Variants in SP1 observed in about 807,000 individuals in gnomAD.
The protein encoded by SP1 is transcription factor Sp1.
In SP1, 6 loss-of-function variants were observed where a neutral mutation model predicts 66.3. The ratio of observed to expected loss-of-function variants is 0.09; its 90% CI spans 0.05 to 0.18. SP1 has a LOEUF of 0.18. Among genes scored for constraint, SP1 ranks in the 10% least tolerant of loss-of-function variants. SP1 has a pLI of 1.00. For synonymous variants in SP1, 417 were observed against 360.8 expected (o/e 1.16, Z -1.77); for missense variants, 848 against 964.5 (o/e 0.88, Z 1.60).
chr12:53,411,496 C>A lies in SP1; in HGVS notation c.*256C>A. ...GCTTTGATGAGCATTTGTTTGACCCCAGTTTCTTCTTACACTTCTTACCCC... is the reference window on the plus strand; with the variant it reads ...GCTTTGATGAGCATTTGTTTGACCCAAGTTTCTTCTTACACTTCTTACCCC... On this transcript the variant is annotated 3_prime_UTR_variant, in exon 6 of 6. Transcript: ENST00000327443. The A allele has an allele frequency of 2.5e-6, 1 of 394,288 alleles. No homozygotes were observed. Among genetic ancestry groups the A allele is most frequent in the Non-Finnish European group, 4.5e-6 (1 of 221,048 alleles). 24.4% of individuals were successfully genotyped at this position (394,288 alleles called of 1,614,324 possible). A position where few individuals can be genotyped will look rare whatever the true frequency, so the allele number is the denominator to read the frequency against.
At chr12:53,396,671 G>A (rs1020134738) in intron 3 of SP1, among the ~76,000 whole-genome samples, 1 of 152,180 alleles carries the variant, frequency 6.6e-6, no homozygotes, top group African/African-American at 2.4e-5. Context: ...TAGTGTACTT[G>A]AGAGGAGACC....
chr12:53,399,402 C>G (rs1354423288), intron 3 of SP1, among the ~76,000 whole-genome samples: 2 of 151,978 alleles, frequency 1.3e-5, no homozygotes, highest in Admixed American at 1.3e-4. Context: ...GGCGCGATCT[C>G]AGCTCACTGC....
intron 5 of SP1, 75 bp downstream of exon 5, chr12:53,409,636 C>A: frequency 8.2e-7 from 1 of 1,213,680 alleles, no homozygotes; most frequent in Non-Finnish European, 1.2e-6. Flanking sequence ...TACAAAATAA[C>A]TAAAATTTCT....
intron 3 of SP1, among the ~76,000 whole-genome samples, chr12:53,406,070 T>C (rs784881): frequency 0.1 from 13,132 of 130,178 alleles, 2,426 homozygotes; most frequent in African/African-American, 0.39. Context: ...TCTTTCTTTT[T>C]TTTTTTTTTT....
In SP1 at chr12:53,382,860, A is replaced by G; in HGVS notation, c.913A>G (p.Ile305Val). 3 of 1,614,200 alleles carry G rather than the reference A, an allele frequency of 1.9e-6. No homozygotes were observed. Among genetic ancestry groups the G allele is most frequent in the Non-Finnish European group, 2.5e-6 (3 of 1,180,032 alleles). Residue 305 changes from isoleucine to valine, a missense_variant, in exon 3 of 6, where the codon ATC becomes GTC. Transcript: ENST00000327443. ...ACAGCCTGTCACCTCAGGGACTACC[A>G]TCAGTTCTGCCAGCTTGGTATCATC... ...GSQPVTSGTT[I>V]SSASLVSSQA...
rs1336166914 is a variant in SP1, at chr12:53,411,895, C to T, written c.*655C>T. 5 of 152,494 alleles carry T rather than the reference C, an allele frequency of 3.3e-5. No homozygotes were observed. In the South Asian group the frequency reaches 8.3e-4, roughly 25 times the overall value. 9.4% of individuals were successfully genotyped at this position (152,494 alleles called of 1,614,324 possible). On this transcript the variant is annotated 3_prime_UTR_variant, in exon 6 of 6. Coordinates refer to ENST00000327443, the MANE Select transcript of SP1 (RefSeq NM_138473.3). ...TCATATATACATACATAATGTTTTTCCTTTCTTAATTTTGTCTTTTTGTTT... is the reference window on the plus strand; with the variant it reads ...TCATATATACATACATAATGTTTTTTCTTTCTTAATTTTGTCTTTTTGTTT...
intron 3 of SP1, among the ~76,000 whole-genome samples, chr12:53,390,070 A>C (rs1938314372): frequency 6.6e-6 from 1 of 152,196 alleles, no homozygotes; most frequent in African/African-American, 2.4e-5. Context: ...TTTGTTAAAA[A>C]GTTGTGTTTT....
intron 3 of SP1, among the ~76,000 whole-genome samples, chr12:53,398,313 C>T (rs937452185): frequency 3.9e-5 from 6 of 152,134 alleles, no homozygotes; most frequent in Admixed American, 1.3e-4. Context: ...GACAGAGTCT[C>T]GCTCTGTCTC....
rs1395536995 is a variant in SP1 at position 53,411,117 on chromosome 12, C to T, written c.2235C>T (p.Thr745=). 1 of 1,614,170 alleles carries T rather than the reference C, an allele frequency of 6.2e-7. No individual in the cohort carries two copies. The highest frequency in any genetic ancestry group is 1.1e-5 in the South Asian group (1 of 91,080). The change falls in exon 6 of 6, where the codon ACC becomes ACT. Residue 745 remains threonine (T), a synonymous_variant. Transcript: ENST00000327443. ...SGTATPSALI[T]TNMVAMEAIC... ...CTGCCACTCCTTCAGCCCTTATTACCACCAATATGGTAGCCATGGAGGCCA... is the reference window on the plus strand; with the variant it reads ...CTGCCACTCCTTCAGCCCTTATTACTACCAATATGGTAGCCATGGAGGCCA...
chr12:53,398,078 T>TA (rs1169367547), intron 3 of SP1, among the ~76,000 whole-genome samples: 11 of 152,210 alleles, frequency 7.2e-5, no homozygotes, highest in Admixed American at 7.2e-4. Flanking sequence ...AACTGACTGT[T>TA]AATTTAGTGG....
chr12:53,405,648 C>G (rs766913989), intron 3 of SP1, among the ~76,000 whole-genome samples: 2 of 146,346 alleles, frequency 1.4e-5, no homozygotes, highest in East Asian at 4.0e-4. Flanking sequence ...CCAGAGCCAG[C>G]GAGACTCTGT....
Position 53,395,334 on chromosome 12 carries a change from C to T in SP1, c.1676-11251C>T, listed in dbSNP as rs537124681. Among the ~76,000 whole-genome samples the T allele has an allele frequency of 6.6e-5, 10 of 151,766 alleles. No homozygotes were observed. The East Asian group carries it at 7.8e-4, about 12-fold the overall frequency. On this transcript the variant is annotated intron_variant, in intron 3 of 5. Coordinates refer to ENST00000327443, the MANE Select transcript of SP1 (RefSeq NM_138473.3). Reference sequence around the variant, plus strand: ...CAGCCTGGGCGACAGAGTGAAACTCCGTCTCAAAAAACAAAAGAATATTTG... The same window carrying T: ...CAGCCTGGGCGACAGAGTGAAACTCTGTCTCAAAAAACAAAAGAATATTTG...
rs534047310 is a variant in SP1, at chr12:53,415,639, GA to G, written c.*4416del. On this transcript the variant is annotated 3_prime_UTR_variant, in exon 6 of 6. Coordinates refer to ENST00000327443, the MANE Select transcript of SP1 (RefSeq NM_138473.3). ...CCTAAGTCCTAGCTAAGTATCAGGG[GA>G]AAAAAAAAAAAAAAAAGCCTAACAA... The G allele has an allele frequency of 0.04, 4,323 of 107,130 alleles. 41 individuals carry two copies. Among genetic ancestry groups the G allele is most frequent in the African/African-American group, 0.052 (1,522 of 29,400 alleles). The allele number at this position is 107,130 out of a possible 1,614,324, so 6.6% of individuals were successfully genotyped here.
rs762781899 is a variant in SP1 at position 53,380,248 on chromosome 12, C to T, written c.-44C>T. 3.5e-6 allele frequency: 5 copies of T among 1,418,236 alleles called. No homozygotes were observed. The African/African-American group carries it at 4.2e-5, about 12-fold the overall frequency. 87.9% of individuals were successfully genotyped at this position (1,418,236 alleles called of 1,614,324 possible). A position where few individuals can be genotyped will look rare whatever the true frequency, so the allele number is the denominator to read the frequency against. ...CGCGTTTTTCCCGGCCCCCCCCAACCCCCCCGGACAGGACCCCCTTGAGCT... is the reference window on the plus strand; with the variant it reads ...CGCGTTTTTCCCGGCCCCCCCCAACTCCCCCGGACAGGACCCCCTTGAGCT... On this transcript the variant is annotated 5_prime_UTR_variant, in exon 1 of 6. Transcript: ENST00000327443.
At position 53,382,208 on chromosome 12, in the gene SP1, A is replaced by G. The variant is rs748959012; in HGVS notation, c.261A>G (p.Ser87=). The change falls in exon 3 of 6, where the codon TCA becomes TCG. Residue 87 remains serine, a synonymous_variant. Coordinates refer to ENST00000327443, the MANE Select transcript of SP1 (RefSeq NM_138473.3). ...NSNNSQGPSQ[S]GGTGELDLTA... ...ACAACTCCCAGGGCCCGAGTCAGTC[A>G]GGGGGAACAGGTGAGCTTGACCTCA... 1 of 1,614,156 alleles carries G rather than the reference A, an allele frequency of 6.2e-7. No homozygotes were observed. The highest frequency in any genetic ancestry group is 8.5e-7 in the Non-Finnish European group (1 of 1,180,020).
chr12:53,384,637 C>G (rs1392277847), intron 3 of SP1, among the ~76,000 whole-genome samples: 1 of 152,128 alleles, frequency 6.6e-6, no homozygotes, highest in East Asian at 1.9e-4. Context: ...AAATGTAAAA[C>G]CATTCTTAGC....
At chr12:53,395,001 A>G (rs1938452454) in intron 3 of SP1, among the ~76,000 whole-genome samples, 1 of 151,776 alleles carries the variant, frequency 6.6e-6, no homozygotes, top group Non-Finnish European at 1.5e-5. Context: ...AGTAGCTGGG[A>G]TTATGGGCAC....
In SP1 at chr12:53,415,362, T is replaced by G. The variant is rs1938974827; in HGVS notation, c.*4122T>G. 6.6e-6 allele frequency: 1 copy of G among 152,422 alleles called. No homozygotes were observed. Among genetic ancestry groups the G allele is most frequent in the Non-Finnish European group, 1.5e-5 (1 of 68,000 alleles). The allele number at this position is 152,422 out of a possible 1,614,324, so 9.4% of individuals were successfully genotyped here. On this transcript the variant is annotated 3_prime_UTR_variant, in exon 6 of 6. Coordinates refer to ENST00000327443, the MANE Select transcript of SP1 (RefSeq NM_138473.3). ...TTAAGCAGCCTTAAGCTTAAATTCC[T>G]ACTCCCTCTTCCAAATTTGGCTCAC...
Position 53,380,252 on chromosome 12 carries a change from C to A in SP1, c.-40C>A, listed in dbSNP as rs761474696. The A allele has an allele frequency of 2.2e-5, 33 of 1,519,086 alleles. No homozygotes were observed. Among genetic ancestry groups the A allele is most frequent in the South Asian group, 1.1e-5 (1 of 88,694 alleles). 94.1% of individuals were successfully genotyped at this position (1,519,086 alleles called of 1,614,324 possible). A position where few individuals can be genotyped will look rare whatever the true frequency, so the allele number is the denominator to read the frequency against. Reference sequence around the variant, plus strand: ...TTTTTCCCGGCCCCCCCCAACCCCCCCGGACAGGACCCCCTTGAGCTTGTC... The same window carrying A: ...TTTTTCCCGGCCCCCCCCAACCCCCACGGACAGGACCCCCTTGAGCTTGTC... On this transcript the variant is annotated 5_prime_UTR_variant, in exon 1 of 6. Transcript: ENST00000327443.
Sources: gnomAD v4.1 joint callset for allele counts (sites outside exome capture counted in the v4.1 genomes callset) on GRCh38, gnomAD v4.1.1 for gene constraint, MANE v1.5 for transcripts, NCBI Gene and HGNC (gene_info 2026-07-23, HGNC 2026-07-21) for gene names.